The following CBL variants were observed in gnomAD, a reference collection of about 807,000 sequenced individuals.
CBL encodes the protein Cbl proto-oncogene.
In CBL, 45 loss-of-function variants were observed where a neutral mutation model predicts 96.9. The ratio of observed to expected loss-of-function variants is 0.46; its 90% CI spans 0.37 to 0.60. CBL has a LOEUF of 0.60. CBL is among the 20% of genes least tolerant of loss of function. The probability of loss-of-function intolerance (pLI) is 0.00; values close to 1 mark genes in which losing one functional copy is unlikely to be tolerated. For synonymous variants in CBL, 420 were observed against 426.8 expected (o/e 0.98, Z 0.20); for missense variants, 1,024 against 1,143.5 (o/e 0.90, Z 1.51).
chr11:119,292,965 A>T (rs1950039078), intron 12 of CBL, among the ~76,000 whole-genome samples: 1 of 152,234 alleles, frequency 6.6e-6, no homozygotes, highest in Non-Finnish European at 1.5e-5. Flanking sequence ...ATATTACTCC[A>T]TTGTAAGTAG....
intron 7 of CBL, among the ~76,000 whole-genome samples, 160 bp downstream of exon 7, chr11:119,278,004 C>T (rs2135303190): frequency 6.6e-6 from 1 of 152,266 alleles, no homozygotes; most frequent in African/African-American, 2.4e-5. Context: ...TAAAATAGGA[C>T]CCAGACTAGA....
intron 1 of CBL, among the ~76,000 whole-genome samples, chr11:119,224,184 T>G (rs1483613518): frequency 6.6e-6 from 1 of 152,230 alleles, no homozygotes; most frequent in Non-Finnish European, 1.5e-5. Context: ...TTAAAAATAC[T>G]AATTCATGAA....
chr11:119,264,443 T>TTCTCTTCTCTTCTC (rs1565868380), intron 2 of CBL, among the ~76,000 whole-genome samples: 3 of 25,118 alleles, frequency 1.2e-4, no homozygotes, highest in East Asian at 2.2e-3. Flanking sequence ...CTTCTCTTCT[T>TTCTCTTCTCTTCTC]TCTCTTCTCT....
intron 2 of CBL, among the ~76,000 whole-genome samples, chr11:119,266,099 G>A (rs1481040649): frequency 6.6e-6 from 1 of 151,958 alleles, no homozygotes; most frequent in Non-Finnish European, 1.5e-5. Flanking sequence ...AGGAGGCTGA[G>A]GTGAGAGGAT....
intron 2 of CBL, among the ~76,000 whole-genome samples, chr11:119,256,786 T>C (rs982582833): frequency 3.3e-5 from 5 of 151,770 alleles, no homozygotes; most frequent in African/African-American, 9.7e-5. Flanking sequence ...TACCCAGAGC[T>C]TAGCTCCTAC....
chr11:119,208,704 G>A (rs1229077166), intron 1 of CBL, among the ~76,000 whole-genome samples: 2 of 152,038 alleles, frequency 1.3e-5, no homozygotes, highest in African/African-American at 2.4e-5. Flanking sequence ...TATTCTTAAA[G>A]AATAAGAGTA....
chr11:119,219,557 GC>G (rs1949391472), intron 1 of CBL, among the ~76,000 whole-genome samples: 1 of 152,020 alleles, frequency 6.6e-6, no homozygotes, highest in Non-Finnish European at 1.5e-5. Flanking sequence ...TTGGTTTGAG[GC>G]AACCACTGAG....
chr11:119,273,177 C>T (rs1425587150), intron 3 of CBL, among the ~76,000 whole-genome samples: 3 of 152,040 alleles, frequency 2.0e-5, no homozygotes, highest in African/African-American at 4.8e-5. Context: ...AGGCTGGTCT[C>T]GAAGTCCTGG....
chr11:119,214,893 A>ATTTTTTTTTTTTTTTTT (rs774184469), intron 1 of CBL, among the ~76,000 whole-genome samples: 1 of 117,964 alleles, frequency 8.5e-6, no homozygotes, highest in African/African-American at 3.4e-5. Flanking sequence ...CTGGTAGGGA[A>ATTTTTTTTTTTTTTTTT]TTTTTTTTTT....
rs1341830963 is a variant in CBL at position 119,285,041 on chromosome 11, C to T, written c.1504C>T (p.Leu502Phe). Residue 502 changes from leucine to phenylalanine, a missense_variant, in exon 10 of 16, where the codon CTT becomes TTT. Physicochemically the swap from Leu to Phe is conservative, Grantham distance 22. Around this residue, in one of 4 missense-constraint regions of CBL, gnomAD observed 695 missense variants for 661.6 expected, o/e 1.05. Transcript: ENST00000264033. The part of the protein sequence containing the change: ...SLPPVPPRLD[L>F]LPQRVCVPSS... ...TCCCCCGGTGCCACCACGACTTGAC[C>T]TTCTGCCGCAGCGAGTATGTGTTCC... is the stretch of plus-strand genomic sequence containing the variant. 1.9e-6 allele frequency: 3 copies of T among 1,614,184 alleles called. No homozygotes were observed. The highest frequency in any genetic ancestry group is 1.7e-5 in the Admixed American group (1 of 60,026).
Position 119,304,627 on chromosome 11 carries a change from T to C in CBL, c.*4846T>C. Reference sequence around the variant, plus strand: ...TGAACAAATTCTCAATTTCCCATACTTAATTTTTTTTTTTTTTGAGATGGA... The same window carrying C: ...TGAACAAATTCTCAATTTCCCATACCTAATTTTTTTTTTTTTTGAGATGGA... On this transcript the variant is annotated 3_prime_UTR_variant, in exon 16 of 16. Coordinates refer to ENST00000264033, the MANE Select transcript of CBL (RefSeq NM_005188.4). 1 of 228,324 alleles carries C rather than the reference T, an allele frequency of 4.4e-6. No individual in the cohort carries two copies. Among genetic ancestry groups the C allele is most frequent in the Non-Finnish European group, 8.7e-6 (1 of 115,126 alleles). The allele number at this position is 228,324 out of a possible 1,614,324, so 14.1% of individuals were successfully genotyped here. A position where few individuals can be genotyped will look rare whatever the true frequency, so the allele number is the denominator to read the frequency against.
At chr11:119,278,760 T>C (rs1340099948) in intron 9 of CBL, 47 bp downstream of exon 9, 2 of 1,472,292 alleles carry the variant, frequency 1.4e-6, no homozygotes, top group Admixed American at 1.7e-5. Context: ...GTGAGTTGTC[T>C]TCTAAAGCCG....
rs1950121135 is a variant in CBL at position 119,304,385 on chromosome 11, A to C, written c.*4604A>C. 4.3e-6 allele frequency: 1 copy of C among 233,094 alleles called. No individual in the cohort carries two copies. 14.4% of individuals were successfully genotyped at this position (233,094 alleles called of 1,614,324 possible). A position where few individuals can be genotyped will look rare whatever the true frequency, so the allele number is the denominator to read the frequency against. On this transcript the variant is annotated 3_prime_UTR_variant, in exon 16 of 16. Coordinates refer to ENST00000264033, the MANE Select transcript of CBL (RefSeq NM_005188.4). ...TGGATCCAAGAAACAGAAATGTTCA[A>C]GCGGAATAAAGGAGGGAGTGGAGTT...
rs1433717520 is a variant in CBL, at chr11:119,298,502, C to G, written c.2396C>G (p.Ser799Cys). 1 of 1,614,184 alleles carries G rather than the reference C, an allele frequency of 6.2e-7. No individual in the cohort carries two copies. The highest frequency in any genetic ancestry group is 1.7e-5 in the Admixed American group (1 of 60,020). ...TLSDISNASS[S>C]FGWLSLDGDP... Reference sequence around the variant, plus strand: ...TCAGATATCTCTAATGCCAGCTCCTCCTTTGGCTGGTTGTCTCTGGATGGT... The same window carrying G: ...TCAGATATCTCTAATGCCAGCTCCTGCTTTGGCTGGTTGTCTCTGGATGGT... The change falls in exon 15 of 16, where the codon TCC becomes TGC. Residue 799 changes from serine to cysteine, a missense_variant. This residue lies in a region of CBL where 695 missense variants were observed against 661.6 expected (regional missense o/e 1.05). Coordinates refer to ENST00000264033, the MANE Select transcript of CBL (RefSeq NM_005188.4).
At chr11:119,283,646 T>C (rs1283850704) in intron 9 of CBL, among the ~76,000 whole-genome samples, 2 of 123,598 alleles carry the variant, frequency 1.6e-5, no homozygotes, top group Non-Finnish European at 3.4e-5. Flanking sequence ...TTTTTTTTTT[T>C]TTTTTTTTTG....
chr11:119,229,873 A>C (rs367805464), intron 1 of CBL, among the ~76,000 whole-genome samples: 21 of 151,740 alleles, frequency 1.4e-4, no homozygotes, highest in African/African-American at 5.1e-4. Context: ...AATTACAGGC[A>C]TGTGCCACCA....
intron 9 of CBL, among the ~76,000 whole-genome samples, chr11:119,278,923 T>C (rs941734061): frequency 6.6e-6 from 1 of 152,226 alleles, no homozygotes; most frequent in African/African-American, 2.4e-5. Context: ...ACTACTATTA[T>C]CCTTATTTAA....
In CBL at chr11:119,299,537, C is replaced by G; in HGVS notation, c.2477C>G (p.Pro826Arg). 1 of 1,614,178 alleles carries G rather than the reference C, an allele frequency of 6.2e-7. No individual in the cohort carries two copies. Among genetic ancestry groups the G allele is most frequent in the Non-Finnish European group, 8.5e-7 (1 of 1,180,026 alleles). ...CAAGTTCCCGAGAGGCCTCCAAAACCATTCCCGCGGAGAATCAACTCTGAA... is the reference window on the plus strand; with the variant it reads ...CAAGTTCCCGAGAGGCCTCCAAAACGATTCCCGCGGAGAATCAACTCTGAA... ...GSQVPERPPK[P>R]FPRRINSERK... The change falls in exon 16 of 16, where the codon CCA becomes CGA. Residue 826 changes from proline (P) to arginine (R), a missense_variant. Transcript: ENST00000264033.
intron 5 of CBL, among the ~76,000 whole-genome samples, chr11:119,275,603 C>T (rs538780913): frequency 1.3e-5 from 2 of 152,246 alleles, no homozygotes; most frequent in African/African-American, 4.8e-5. Context: ...GTGGCTCACA[C>T]CTGTAATCCC....
Sources: allele counts gnomAD v4.1 joint callset (sites outside exome capture counted in the v4.1 genomes callset), GRCh38; gene constraint gnomAD v4.1.1; regional missense constraint gnomAD v4.1.1; transcripts MANE v1.5; gene names NCBI Gene and HGNC (gene_info 2026-07-23, HGNC 2026-07-21).